The following OR9Q1 variants were observed in gnomAD, a reference collection of about 807,000 sequenced individuals.
OR9Q1 encodes the protein olfactory receptor 9Q1.
For missense variants in OR9Q1, 374 were observed against 378.8 expected (o/e 0.99, Z 0.11); for synonymous variants, 153 against 148.6 (o/e 1.03, Z -0.22).
At chr11:58,112,645 G>A (rs1853913996) in intron 2 of OR9Q1, among the ~76,000 whole-genome samples, 1 of 152,176 alleles carries the variant, frequency 6.6e-6, no homozygotes, top group African/African-American at 2.4e-5. Context: ...CTCCTGGAGA[G>A]TGGTAGCTAC....
intron 2 of OR9Q1, among the ~76,000 whole-genome samples, chr11:58,056,755 A>T (rs1293446516): frequency 6.6e-6 from 1 of 152,032 alleles, no homozygotes; most frequent in Non-Finnish European, 1.5e-5. Context: ...TTTCAAGAAA[A>T]ATCTTATGCT....
chr11:58,177,694 C>G (rs1367488783), intron 2 of OR9Q1, among the ~76,000 whole-genome samples: 1 of 152,114 alleles, frequency 6.6e-6, no homozygotes, highest in African/African-American at 2.4e-5. Context: ...AGTTCTTAGA[C>G]TTCGGGCATT....
chr11:58,080,197 G>A (rs1303079692), intron 2 of OR9Q1, among the ~76,000 whole-genome samples: 1 of 152,034 alleles, frequency 6.6e-6, no homozygotes, highest in African/African-American at 2.4e-5. Context: ...TTATGTCCAT[G>A]TGTGCTCAAT....
chr11:58,043,888 A>C (rs1267541092), intron 1 of OR9Q1, among the ~76,000 whole-genome samples: 2 of 152,076 alleles, frequency 1.3e-5, no homozygotes, highest in African/African-American at 4.8e-5. Context: ...CTTTTAATAT[A>C]TCCTGAGCTC....
At chr11:58,129,775 C>G (rs927561951) in intron 2 of OR9Q1, among the ~76,000 whole-genome samples, 2 of 152,124 alleles carry the variant, frequency 1.3e-5, no homozygotes, top group Non-Finnish European at 2.9e-5. Context: ...GTCACAGCAC[C>G]CTTCTCTATT....
chr11:58,076,278 G>T (rs1188710652), intron 2 of OR9Q1, among the ~76,000 whole-genome samples: 1 of 152,194 alleles, frequency 6.6e-6, no homozygotes, highest in Non-Finnish European at 1.5e-5. Flanking sequence ...GAGGTTATCT[G>T]CTCATGGTCT....
chr11:58,161,157 T>G (rs1854453609), intron 2 of OR9Q1, among the ~76,000 whole-genome samples: 1 of 151,014 alleles, frequency 6.6e-6, no homozygotes, highest in Non-Finnish European at 1.5e-5. Flanking sequence ...GACGAGTTGA[T>G]GGTGCAGCAA....
intron 2 of OR9Q1, among the ~76,000 whole-genome samples, chr11:58,169,839 G>T (rs1461696952): frequency 6.6e-6 from 1 of 151,932 alleles, no homozygotes; most frequent in Non-Finnish European, 1.5e-5. Flanking sequence ...TAGAAAGAAA[G>T]CTGTTTTTTT....
intron 1 of OR9Q1, chr11:58,031,623 A>G: frequency 1.2e-6 from 2 of 1,609,308 alleles, no homozygotes; most frequent in Non-Finnish European, 1.7e-6. Context: ...TCCTATGGCA[A>G]CATCGTCTGG....
At chr11:58,031,224 A>C in intron 1 of OR9Q1, 1 of 1,614,114 alleles carries the variant, frequency 6.2e-7, no homozygotes, top group Middle Eastern at 1.6e-4. Context: ...ATTGGGGTGG[A>C]TGGTGGCAAG....
chr11:58,068,029 A>G (rs1853446419), intron 2 of OR9Q1, among the ~76,000 whole-genome samples: 1 of 152,044 alleles, frequency 6.6e-6, no homozygotes, highest in South Asian at 2.1e-4. Context: ...ACAACCTGCC[A>G]TGAGCTCCAA....
At chr11:58,165,553 C>A (rs973021837) in intron 2 of OR9Q1, among the ~76,000 whole-genome samples, 9 of 152,168 alleles carry the variant, frequency 5.9e-5, no homozygotes, top group African/African-American at 2.2e-4. Flanking sequence ...AGCGCACAAA[C>A]CACTTATTGT....
chr11:58,131,454 A>C lies in OR9Q1; in HGVS notation c.-14-47977A>C, dbSNP rs187656317. On this transcript the variant is annotated intron_variant, in intron 2 of 2. Transcript: ENST00000335397. The stretch of plus-strand genomic sequence containing the variant: ...ATAAGTCTTCTAAATTAAATGTGTC[A>C]TAATTGCCTATCTGTTAAGATTAGA... Among the ~76,000 whole-genome samples the C allele has an allele frequency of 2.3e-3, 348 of 152,268 alleles. 5 individuals are homozygous for C. The highest frequency in any genetic ancestry group is 7.9e-3 in the African/African-American group (327 of 41,580).
intron 1 of OR9Q1, among the ~76,000 whole-genome samples, chr11:58,036,097 G>A (rs1275430444): frequency 1.3e-5 from 2 of 152,044 alleles, no homozygotes; most frequent in African/African-American, 2.4e-5. Context: ...ATTATTATAT[G>A]TGTCATAATG....
intron 2 of OR9Q1, among the ~76,000 whole-genome samples, chr11:58,161,383 G>A (rs946375841): frequency 6.6e-6 from 1 of 152,060 alleles, no homozygotes; most frequent in African/African-American, 2.4e-5. Context: ...GAGAGAGAGA[G>A]AAGAATGAGG....
intron 2 of OR9Q1, among the ~76,000 whole-genome samples, chr11:58,116,537 A>T (rs1334799657): frequency 1.3e-5 from 2 of 152,200 alleles, no homozygotes; most frequent in Non-Finnish European, 2.9e-5. Context: ...TGAACTTATT[A>T]TGGTTTTAAG....
intron 2 of OR9Q1, among the ~76,000 whole-genome samples, chr11:58,161,724 G>C (rs1013365885): frequency 6.6e-6 from 1 of 152,056 alleles, no homozygotes; most frequent in Non-Finnish European, 1.5e-5. Flanking sequence ...TAGAGATGGG[G>C]TTTCGCTCTG....
intron 2 of OR9Q1, among the ~76,000 whole-genome samples, chr11:58,086,480 A>G (rs568707556): frequency 2.2e-4 from 33 of 151,852 alleles, no homozygotes; most frequent in African/African-American, 7.5e-4. Flanking sequence ...TAGAATTACT[A>G]TGTAATCCAG....
chr11:58,174,814 A>G (rs938917302), intron 2 of OR9Q1, among the ~76,000 whole-genome samples: 4 of 151,748 alleles, frequency 2.6e-5, no homozygotes, highest in African/African-American at 9.7e-5. Flanking sequence ...TTTAGAGCTT[A>G]AAGATTTAAG....
Sources: allele counts gnomAD v4.1 joint callset (sites outside exome capture counted in the v4.1 genomes callset), GRCh38; gene constraint gnomAD v4.1.1; transcripts MANE v1.5; gene names NCBI Gene and HGNC (gene_info 2026-07-23, HGNC 2026-07-21).